The following AGMO variants were observed in gnomAD, a reference collection of about 807,000 sequenced individuals.
The protein encoded by AGMO is glyceryl-ether monooxygenase.
AGMO carries 75 observed loss-of-function variants against 60.2 expected under a neutral mutation model. That is an observed-to-expected ratio of 1.25 (90% CI 1.03 to 1.51). The LOEUF (loss-of-function observed/expected upper bound fraction) is 1.51, where lower values mean the gene tolerates loss of function less well. Among genes scored for constraint, AGMO ranks in the 40% most tolerant of loss-of-function variants. AGMO has a pLI of 0.00. For synonymous variants in AGMO, 261 were observed against 177.1 expected (o/e 1.47, Z -3.76); for missense variants, 763 against 525.5 (o/e 1.45, Z -4.42).
At chr7:15,531,352 T>G (rs1433659022) in intron 3 of AGMO, among the ~76,000 whole-genome samples, 1 of 80,812 alleles carries the variant, frequency 1.2e-5, no homozygotes, top group Non-Finnish European at 2.3e-5. Flanking sequence ...ATATTCTATA[T>G]ATATTCTATA....
At chr7:15,355,556 T>C (rs1454814009) in intron 12 of AGMO, among the ~76,000 whole-genome samples, 1 of 149,814 alleles carries the variant, frequency 6.7e-6, no homozygotes, top group Non-Finnish European at 1.5e-5. Context: ...ATTCAAATTA[T>C]GTATTAGCTT....
intron 12 of AGMO, among the ~76,000 whole-genome samples, chr7:15,333,530 A>G (rs1375299247): frequency 6.6e-6 from 1 of 151,662 alleles, no homozygotes; most frequent in East Asian, 1.9e-4. Flanking sequence ...GATGTTAAAC[A>G]TGGCCCTGAC....
intron 12 of AGMO, among the ~76,000 whole-genome samples, chr7:15,269,164 A>G (rs1426197533): frequency 6.6e-6 from 1 of 152,108 alleles, no homozygotes; most frequent in Non-Finnish European, 1.5e-5. Context: ...GTACTCCAAT[A>G]AAACTGTATT....
intron 10 of AGMO, among the ~76,000 whole-genome samples, chr7:15,381,900 C>A (rs771675492): frequency 2.0e-5 from 3 of 152,064 alleles, no homozygotes; most frequent in Non-Finnish European, 2.9e-5. Context: ...AGGCCATTAT[C>A]CTTAGCAAAC....
chr7:15,479,289 TC>T (rs1782685490), intron 3 of AGMO, among the ~76,000 whole-genome samples: 1 of 152,052 alleles, frequency 6.6e-6, no homozygotes, highest in Non-Finnish European at 1.5e-5. Flanking sequence ...AAGAAGCCAA[TC>T]AAAGTTAAGC....
chr7:15,297,760 T>C (rs1011155557), intron 12 of AGMO, among the ~76,000 whole-genome samples: 1 of 152,184 alleles, frequency 6.6e-6, no homozygotes, highest in Non-Finnish European at 1.5e-5. Flanking sequence ...CATGAAATTA[T>C]TGTCATATAT....
intron 3 of AGMO, among the ~76,000 whole-genome samples, chr7:15,492,358 G>GAA (rs67387904): frequency 6.3e-4 from 73 of 116,710 alleles, no homozygotes; most frequent in African/African-American, 1.9e-3. Flanking sequence ...GGCCCAATAC[G>GAA]AAAAAAAAAA....
intron 12 of AGMO, among the ~76,000 whole-genome samples, chr7:15,225,143 T>C (rs542310478): frequency 1.3e-5 from 2 of 151,950 alleles, no homozygotes; most frequent in Non-Finnish European, 2.9e-5. Flanking sequence ...TTGATACAGA[T>C]TTTTATTTAC....
chr7:15,432,353 T>TAC (rs1246039231), intron 3 of AGMO, among the ~76,000 whole-genome samples: 4 of 111,376 alleles, frequency 3.6e-5, no homozygotes, highest in Non-Finnish European at 8.1e-5. Flanking sequence ...TATACATACA[T>TAC]ATATATATAC....
intron 12 of AGMO, among the ~76,000 whole-genome samples, chr7:15,310,855 T>A (rs968462287): frequency 6.6e-6 from 1 of 152,158 alleles, no homozygotes; most frequent in South Asian, 2.1e-4. Context: ...ATCTGTTTCT[T>A]TGCTTTTTCC....
intron 10 of AGMO, among the ~76,000 whole-genome samples, chr7:15,369,215 CCT>C (rs1403337742): frequency 6.6e-6 from 1 of 152,054 alleles, no homozygotes; most frequent in Non-Finnish European, 1.5e-5. Flanking sequence ...GAAATACTCC[CCT>C]AACTGGTCTT....
chr7:15,537,403 T>C (rs939520902), intron 3 of AGMO, among the ~76,000 whole-genome samples: 2 of 152,140 alleles, frequency 1.3e-5, no homozygotes, highest in Admixed American at 6.6e-5. Flanking sequence ...TACATTACGT[T>C]CTAAGACTAA....
At chr7:15,449,379 T>C (rs1448459877) in intron 3 of AGMO, among the ~76,000 whole-genome samples, 3 of 152,068 alleles carry the variant, frequency 2.0e-5, no homozygotes, top group East Asian at 1.9e-4. Flanking sequence ...TATAAACATA[T>C]ACAGCCATGT....
At chr7:15,141,370 G>A in the AGMO span, among the ~76,000 whole-genome samples, 11 of 152,128 alleles carry the variant, frequency 7.2e-5, no homozygotes, top group Admixed American at 6.5e-5. Context: ...GATTGCCTGA[G>A]CTCAGGAGTT....
At chr7:15,560,821 T>C (rs191811264) in intron 1 of AGMO, among the ~76,000 whole-genome samples, 1 of 152,312 alleles carries the variant, frequency 6.6e-6, no homozygotes, top group East Asian at 1.9e-4. Context: ...TGGTTTTGAT[T>C]TTTGTTTCAC....
chr7:15,336,826 A>C (rs1349821437), intron 12 of AGMO, among the ~76,000 whole-genome samples: 1 of 152,214 alleles, frequency 6.6e-6, no homozygotes, highest in African/African-American at 2.4e-5. Context: ...GGCTCTACAT[A>C]ACATATATTT....
intron 3 of AGMO, among the ~76,000 whole-genome samples, chr7:15,496,395 C>T (rs745905021): frequency 5.3e-5 from 8 of 152,078 alleles, no homozygotes; most frequent in African/African-American, 1.7e-4. Flanking sequence ...GATAAATATT[C>T]TTTTCAGAGA....
At chr7:15,239,152 T>A (rs1333281719) in intron 12 of AGMO, among the ~76,000 whole-genome samples, 1 of 152,060 alleles carries the variant, frequency 6.6e-6, no homozygotes, top group Non-Finnish European at 1.5e-5. Context: ...ACACAACTTG[T>A]TGATGAGAAA....
At chr7:15,254,363 A>G (rs1783035932) in intron 12 of AGMO, among the ~76,000 whole-genome samples, 2 of 152,174 alleles carry the variant, frequency 1.3e-5, no homozygotes, top group Non-Finnish European at 1.5e-5. Context: ...ACAGAGTATC[A>G]GAGTTCCCCT....
Sources: gnomAD v4.1 joint callset for allele counts (sites outside exome capture counted in the v4.1 genomes callset) on GRCh38, gnomAD v4.1.1 for gene constraint, MANE v1.5 for transcripts, NCBI Gene and HGNC (gene_info 2026-07-23, HGNC 2026-07-21) for gene names.